Variants in SLC31A2 observed in about 807,000 individuals in gnomAD.
SLC31A2 encodes solute carrier family 31 member 2.
In SLC31A2, 16 loss-of-function variants were observed where a neutral mutation model predicts 14.4. The ratio of observed to expected loss-of-function variants is 1.11; its 90% CI spans 0.75 to 1.69. The LOEUF (loss-of-function observed/expected upper bound fraction) is 1.69. SLC31A2 is among the 40% of genes most tolerant of loss of function. The pLI is 0.00. For missense variants in SLC31A2, 140 were observed against 173.9 expected (o/e 0.81, Z 1.10); for synonymous variants, 56 against 68.7 (o/e 0.82, Z 0.91).
chr9:113,160,044 G>T (rs527361692), intron 2 of SLC31A2, among the ~76,000 whole-genome samples: 53 of 152,248 alleles, frequency 3.5e-4, no homozygotes, highest in African/African-American at 1.2e-3. Flanking sequence ...AGGCGTGGTG[G>T]GGGGTGTCTG....
intron 1 of SLC31A2, among the ~76,000 whole-genome samples, chr9:113,154,686 C>T (rs1829912050): frequency 6.6e-6 from 1 of 152,192 alleles, no homozygotes; most frequent in African/African-American, 2.4e-5. Flanking sequence ...AGTGATTCAC[C>T]CGGGACTGAC....
chr9:113,154,909 G>C (rs1829914953), intron 1 of SLC31A2, among the ~76,000 whole-genome samples: 1 of 152,204 alleles, frequency 6.6e-6, no homozygotes, highest in African/African-American at 2.4e-5. Context: ...ATATGGGCCA[G>C]CTATTGGCTG....
intron 1 of SLC31A2, chr9:113,152,284 C>T (rs1188603235): frequency 1.3e-5 from 2 of 152,302 alleles, no homozygotes; most frequent in African/African-American, 4.8e-5. Context: ...GATTGGGGCC[C>T]TGCCCCTTGC....
rs1830053601 is a variant in SLC31A2, at chr9:113,163,715, AGAT to A, written c.*802_*804del. 1.3e-5 allele frequency: 2 copies of A among 152,548 alleles called. No homozygotes were observed. The highest frequency in any genetic ancestry group is 2.1e-4 in the South Asian group (1 of 4,828). The allele number at this position is 152,548 out of a possible 1,614,324, so 9.4% of individuals were successfully genotyped here. Reference sequence around the variant, plus strand: ...CCAGAAGGCACTGCCTGCAGGAAGAAGATGATCTGATGGCCGTGGGTGTCTGGG... The same window carrying A: ...CCAGAAGGCACTGCCTGCAGGAAGAAGATCTGATGGCCGTGGGTGTCTGGG... On this transcript the variant is annotated 3_prime_UTR_variant, in exon 4 of 4. Coordinates refer to ENST00000259392, the MANE Select transcript of SLC31A2 (RefSeq NM_001860.3).
rs13302330 is a variant in SLC31A2 at position 113,151,105 on chromosome 9, G to A, written c.6+25G>A. ...GGTAAGGGCCGGGCGCTACGGTGAA[G>A]AGGGTGGGCGGTTGGGGCGGGGTCT... On this transcript the variant is annotated intron_variant, in intron 1 of 3. Transcript: ENST00000259392. This position sits in a 1 kb window ranked among gnomAD's most constrained non-coding sequence, Gnocchi z 4.2. 1 of 1,301,406 alleles carries A rather than the reference G, an allele frequency of 7.7e-7. No homozygotes were observed. Among genetic ancestry groups the A allele is most frequent in the South Asian group, 3.1e-5 (1 of 31,762 alleles). 80.6% of individuals were successfully genotyped at this position (1,301,406 alleles called of 1,614,324 possible).
intron 1 of SLC31A2, chr9:113,156,276 C>G: frequency 9.7e-6 from 4 of 411,206 alleles, no homozygotes; most frequent in South Asian, 5.4e-5. Flanking sequence ...TAAGGAGGTC[C>G]GGCAAATCCT....
chr9:113,155,580 C>T (rs1829922894), intron 1 of SLC31A2, among the ~76,000 whole-genome samples: 1 of 152,094 alleles, frequency 6.6e-6, no homozygotes, highest in African/African-American at 2.4e-5. Flanking sequence ...GGGCACTCAG[C>T]AAGAGAAAAA....
chr9:113,155,011 T>A (rs1399639295), intron 1 of SLC31A2, among the ~76,000 whole-genome samples: 1 of 152,234 alleles, frequency 6.6e-6, no homozygotes, highest in South Asian at 2.1e-4. Flanking sequence ...TCCCATATTT[T>A]GTTCCAAAGT....
intron 2 of SLC31A2, among the ~76,000 whole-genome samples, chr9:113,158,818 A>G (rs1829968028): frequency 6.6e-6 from 1 of 152,132 alleles, no homozygotes; most frequent in East Asian, 1.9e-4. Flanking sequence ...TTCCTAGGCT[A>G]AAGGAGAGGG....
rs759398312 is a variant in SLC31A2, at chr9:113,151,038, G to A, written c.-37G>A. The A allele has an allele frequency of 7.7e-7, 1 of 1,302,064 alleles. No homozygotes were observed. The highest frequency in any genetic ancestry group is 2.8e-5 in the South Asian group (1 of 35,176). 80.7% of individuals were successfully genotyped at this position (1,302,064 alleles called of 1,614,324 possible). A position where few individuals can be genotyped will look rare whatever the true frequency, so the allele number is the denominator to read the frequency against. ...ACTCGGAGCGAGGAGACCCGAGCGA[G>A]CAGACGCGGCCCTGGCGCCCGCCCT... On this transcript the variant is annotated 5_prime_UTR_variant, in exon 1 of 4. Transcript: ENST00000259392. This position sits in a 1 kb window ranked among gnomAD's most constrained non-coding sequence, Gnocchi z 4.2.
chr9:113,156,763 G>A (rs920704690), intron 1 of SLC31A2, among the ~76,000 whole-genome samples: 2 of 152,166 alleles, frequency 1.3e-5, no homozygotes, highest in Admixed American at 6.5e-5. Flanking sequence ...ATTAAGCCTG[G>A]TGTGGGCGTC....
rs750040556 is a variant in SLC31A2, at chr9:113,161,651, G to T, written c.216G>T (p.Gly72=). The T allele has an allele frequency of 1.2e-6, 2 of 1,613,990 alleles. No individual in the cohort carries two copies. The highest frequency in any genetic ancestry group is 1.7e-6 in the Non-Finnish European group (2 of 1,179,902). ...ISQQTIAETD[G]DSAGSDSFPV... is the part of the protein sequence containing the mutation. ...AGCAGACCATCGCAGAGACAGACGGGGACTCTGCAGGCTCAGATTCATTCC... is the reference window on the plus strand; with the variant it reads ...AGCAGACCATCGCAGAGACAGACGGTGACTCTGCAGGCTCAGATTCATTCC... Residue 72 remains glycine, a synonymous_variant, in exon 3 of 4, where the codon GGG becomes GGT. Transcript: ENST00000259392.
In SLC31A2 at chr9:113,163,038, A is replaced by C; in HGVS notation, c.*121A>C. ...CCTCCACCTTATTCCCAGCCCCTGG[A>C]AACTTTGAGCTGAAGCCAGCACTTG... On this transcript the variant is annotated 3_prime_UTR_variant, in exon 4 of 4. Transcript: ENST00000259392. The C allele has an allele frequency of 3.9e-6, 4 of 1,022,158 alleles. No individual in the cohort carries two copies. Among genetic ancestry groups the C allele is most frequent in the Non-Finnish European group, 5.4e-6 (4 of 739,800 alleles). 63.3% of individuals were successfully genotyped at this position (1,022,158 alleles called of 1,614,324 possible).
chr9:113,159,325 G>A (rs574640587), intron 2 of SLC31A2, among the ~76,000 whole-genome samples: 2 of 152,124 alleles, frequency 1.3e-5, no homozygotes, highest in Non-Finnish European at 2.9e-5. Flanking sequence ...TAGAGACAGG[G>A]TTTCACCACG....
At chr9:113,154,714 G>A (rs141276608) in intron 1 of SLC31A2, among the ~76,000 whole-genome samples, 77 of 152,274 alleles carry the variant, frequency 5.1e-4, no homozygotes, top group South Asian at 2.7e-3. Context: ...CTGTGGATCC[G>A]GCTATAACAG....
intron 2 of SLC31A2, among the ~76,000 whole-genome samples, chr9:113,158,260 CAG>C (rs1293787910): frequency 6.6e-6 from 1 of 152,110 alleles, no homozygotes; most frequent in Non-Finnish European, 1.5e-5. Flanking sequence ...TTTGAAAAGG[CAG>C]AGTTTGTCAC....
chr9:113,153,735 T>C (rs1829899268), intron 1 of SLC31A2, among the ~76,000 whole-genome samples: 2 of 152,176 alleles, frequency 1.3e-5, no homozygotes, highest in Admixed American at 1.3e-4. Context: ...TCACATTTCT[T>C]TCTCTGTCCT....
chr9:113,158,564 G>A (rs545901687), intron 2 of SLC31A2, among the ~76,000 whole-genome samples: 2 of 152,314 alleles, frequency 1.3e-5, no homozygotes, highest in Non-Finnish European at 2.9e-5. Flanking sequence ...ATTTGGAAGA[G>A]TTCCTCACTC....
chr9:113,161,937 G>T (rs1453469002), intron 3 of SLC31A2: 1 of 623,154 alleles, frequency 1.6e-6, no homozygotes, highest in Non-Finnish European at 2.9e-6. Flanking sequence ...TTTCTTTAGG[G>T]AACAGTGATC....
Sources: gnomAD v4.1 joint callset for allele counts (sites outside exome capture counted in the v4.1 genomes callset) on GRCh38, gnomAD v4.1.1 for gene constraint, Gnocchi (gnomAD v3.1) non-coding constraint, MANE v1.5 for transcripts, NCBI Gene and HGNC (gene_info 2026-07-23, HGNC 2026-07-21) for gene names.